KAZN: variants seen among roughly 807,000 people sequenced by gnomAD.
KAZN encodes kazrin.
In KAZN, 40 loss-of-function variants were observed where a neutral mutation model predicts 87.4. The ratio of observed to expected loss-of-function variants is 0.46; its 90% CI spans 0.36 to 0.60. The LOEUF is 0.60. Ranked by LOEUF, KAZN falls within the 20% of genes least tolerant of loss-of-function variation. The pLI is 0.00. For synonymous variants in KAZN, 466 were observed against 458.3 expected (o/e 1.02, Z -0.22); for missense variants, 898 against 1,073.9 (o/e 0.84, Z 2.29).
chr1:14,971,681 C>T (rs112426468), intron 2 of KAZN, among the ~76,000 whole-genome samples: 476 of 104,552 alleles, frequency 4.6e-3, no homozygotes, highest in Middle Eastern at 0.028. Flanking sequence ...TTTTCTTTTT[C>T]TTTTTTTTTT....
intron 2 of KAZN, among the ~76,000 whole-genome samples, chr1:15,004,299 C>T (rs1262311018): frequency 6.6e-6 from 1 of 152,184 alleles, no homozygotes; most frequent in East Asian, 1.9e-4. Flanking sequence ...ATTATTGGTG[C>T]ATCTTATCCC....
At chr1:14,355,085 C>T (rs935513134) in intron 2 of KAZN, among the ~76,000 whole-genome samples, 8 of 152,152 alleles carry the variant, frequency 5.3e-5, no homozygotes, top group East Asian at 1.9e-4. Flanking sequence ...TGAAAAAGCC[C>T]GACACCAAAG....
intron 2 of KAZN, among the ~76,000 whole-genome samples, chr1:14,487,780 T>C (rs1571772823): frequency 6.6e-6 from 1 of 152,082 alleles, no homozygotes; most frequent in Non-Finnish European, 1.5e-5. Flanking sequence ...TTTTGAGGGG[T>C]GAGCCTGGAC....
At chr1:14,562,747 C>T (rs1343288629) in intron 2 of KAZN, among the ~76,000 whole-genome samples, 4 of 152,152 alleles carry the variant, frequency 2.6e-5, no homozygotes, top group African/African-American at 9.7e-5. Context: ...GCAAGGAGTG[C>T]CCTGTGTTTA....
intron 1 of KAZN, among the ~76,000 whole-genome samples, chr1:14,128,161 G>A (rs1644914015): frequency 6.6e-6 from 1 of 152,106 alleles, no homozygotes; most frequent in Admixed American, 6.5e-5. Flanking sequence ...CTCCCTTTTT[G>A]TGTGCTTGGG....
intron 1 of KAZN, among the ~76,000 whole-genome samples, chr1:14,645,412 A>G (rs1301571052): frequency 6.6e-6 from 1 of 152,220 alleles, no homozygotes; most frequent in Non-Finnish European, 1.5e-5. Flanking sequence ...TTTTAATGAT[A>G]TTAACTCTTC....
chr1:14,806,255 TA>T (rs57639107), intron 1 of KAZN, among the ~76,000 whole-genome samples: 27,702 of 152,154 alleles, frequency 0.18, 2,867 homozygotes, highest in African/African-American at 0.27. Flanking sequence ...GCCAGCTCGT[TA>T]ATGGTTCCAT....
intron 2 of KAZN, among the ~76,000 whole-genome samples, chr1:14,422,732 TG>T (rs1665506289): frequency 6.6e-6 from 1 of 152,220 alleles, no homozygotes; most frequent in African/African-American, 2.4e-5. Flanking sequence ...TTCTCTTTTG[TG>T]GTCCAGAAGG....
intron 2 of KAZN, among the ~76,000 whole-genome samples, chr1:14,526,381 A>G (rs1439619884): frequency 2.0e-5 from 3 of 152,184 alleles, no homozygotes; most frequent in Non-Finnish European, 4.4e-5. Context: ...AGAGCCAGTC[A>G]TGCATCAGAG....
chr1:13,905,955 C>T (rs1298628955), intron 1 of KAZN, among the ~76,000 whole-genome samples: 1 of 152,244 alleles, frequency 6.6e-6, no homozygotes, highest in Non-Finnish European at 1.5e-5. Context: ...CTTCTGGGAG[C>T]GCCAATCTCT....
intron 2 of KAZN, among the ~76,000 whole-genome samples, chr1:14,382,587 C>T (rs1269762046): frequency 1.1e-4 from 16 of 148,186 alleles, no homozygotes; most frequent in Admixed American, 6.1e-4. Flanking sequence ...TTTGTTCTCG[C>T]GATAGTTTAC....
chr1:14,010,379 T>G lies in KAZN; in HGVS notation c.91+116623T>G, dbSNP rs540387791. 2.6e-5 allele frequency among the ~76,000 whole-genome samples: 4 copies of G among 152,370 alleles called. No individual in the cohort carries two copies. In the South Asian group the frequency reaches 6.2e-4, roughly 24 times the overall value. ...AAGAAGGGCTGGGGCCAACTCAGAA[T>G]ATGAGTGTTGAAACTGTAACGTATC... On this transcript the variant is annotated intron_variant, in intron 1 of 16. Coordinates refer to the KAZN transcript ENST00000636203.
intron 2 of KAZN, among the ~76,000 whole-genome samples, chr1:14,270,575 T>C (rs1651838196): frequency 1.3e-5 from 2 of 152,196 alleles, no homozygotes; most frequent in African/African-American, 4.8e-5. Flanking sequence ...CTCAGTAAAG[T>C]TGGCTCCTCT....
At chr1:14,839,803 T>C (rs1039788921) in intron 1 of KAZN, among the ~76,000 whole-genome samples, 9 of 152,178 alleles carry the variant, frequency 5.9e-5, no homozygotes, top group Non-Finnish European at 1.0e-4. Context: ...ATGAAAGACA[T>C]TGGGGCTTGT....
At chr1:14,202,425 A>G (rs1279924397) in intron 2 of KAZN, among the ~76,000 whole-genome samples, 1 of 152,176 alleles carries the variant, frequency 6.6e-6, no homozygotes, top group Non-Finnish European at 1.5e-5. Flanking sequence ...AATCACAGGA[A>G]AGCAGGCTTG....
rs141236739 is a variant in KAZN at position 14,202,367 on chromosome 1, T to C, written c.249+21775T>C. Among the ~76,000 whole-genome samples, 479 of 152,344 alleles carry C rather than the reference T, an allele frequency of 3.1e-3. 4 individuals carry two copies. The South Asian group carries it at 0.035, about 11-fold the overall frequency. ...GTTTTTAGGGAAGGCATTCTAAATA[T>C]GTGACTAGCTGAGACAGCATTACCA... On this transcript the variant is annotated intron_variant, in intron 2 of 16. Transcript: ENST00000636203.
chr1:14,620,236 T>G (rs1292100756), intron 1 of KAZN, among the ~76,000 whole-genome samples: 1 of 152,248 alleles, frequency 6.6e-6, no homozygotes, highest in Admixed American at 6.5e-5. Flanking sequence ...TGAAATTGTT[T>G]GAGACAATTC....
intron 1 of KAZN, among the ~76,000 whole-genome samples, chr1:13,983,114 G>A (rs12064995): frequency 0.18 from 26,970 of 152,296 alleles, 2,658 homozygotes; most frequent in African/African-American, 0.24. Flanking sequence ...AGTGGATCTC[G>A]CACGGGGGCT....
intron 1 of KAZN, among the ~76,000 whole-genome samples, chr1:14,942,401 A>G (rs543932419): frequency 7.3e-4 from 111 of 152,362 alleles, no homozygotes; most frequent in African/African-American, 2.5e-3. Flanking sequence ...AGAGTAGGGC[A>G]GGAGAAGGCT....
Sources: allele counts gnomAD v4.1 joint callset (sites outside exome capture counted in the v4.1 genomes callset), GRCh38; gene constraint gnomAD v4.1.1; transcripts MANE v1.5; gene names NCBI Gene and HGNC (gene_info 2026-07-23, HGNC 2026-07-21).